The following CSGALNACT1 variants were observed in gnomAD, a reference collection of about 807,000 sequenced individuals.
CSGALNACT1 encodes chondroitin sulfate N-acetylgalactosaminyltransferase 1.
CSGALNACT1 carries 52 observed loss-of-function variants against 51.0 expected under a neutral mutation model. The observed-to-expected ratio is 1.02, with a 90% confidence interval of 0.82 to 1.29. The LOEUF (loss-of-function observed/expected upper bound fraction) is 1.29, where lower values mean the gene tolerates loss of function less well. Ranked by LOEUF, CSGALNACT1 falls within the 50% of genes most tolerant of loss-of-function variation. CSGALNACT1 has a pLI of 0.00. For synonymous variants in CSGALNACT1, 341 were observed against 254.4 expected, an observed-to-expected ratio of 1.34 and a Z score of -3.24; for missense variants, 935 against 679.2, an observed-to-expected ratio of 1.38 and a Z score of -4.19.
At chr8:19,732,723 C>T (rs2063759528) in intron 1 of CSGALNACT1, among the ~76,000 whole-genome samples, 1 of 152,222 alleles carries the variant, frequency 6.6e-6, no homozygotes. Context: ...ATATATGGAT[C>T]TTTATAAATT....
At chr8:19,485,136 T>C (rs927598140) in intron 4 of CSGALNACT1, among the ~76,000 whole-genome samples, 1 of 152,162 alleles carries the variant, frequency 6.6e-6, no homozygotes, top group Non-Finnish European at 1.5e-5. Flanking sequence ...TTACACAGCA[T>C]CTACTTGCCC....
intron 5 of CSGALNACT1, among the ~76,000 whole-genome samples, chr8:19,444,321 A>C (rs1207783232): frequency 6.6e-6 from 1 of 152,232 alleles, no homozygotes; most frequent in Non-Finnish European, 1.5e-5. Flanking sequence ...AGGAAAAAAA[A>C]GTTTGTGCAT....
intron 6 of CSGALNACT1, among the ~76,000 whole-genome samples, chr8:19,424,029 C>T (rs2058385551): frequency 1.3e-5 from 2 of 152,180 alleles, no homozygotes; most frequent in African/African-American, 2.4e-5. Flanking sequence ...CTGCCCTGAT[C>T]TAGCTTTGCC....
chr8:19,476,649 G>T (rs1447400725), intron 4 of CSGALNACT1, among the ~76,000 whole-genome samples: 5 of 152,168 alleles, frequency 3.3e-5, no homozygotes, highest in African/African-American at 1.2e-4. Flanking sequence ...AGAAGAGAGT[G>T]AGGCAACACA....
intron 1 of CSGALNACT1, among the ~76,000 whole-genome samples, chr8:19,642,951 T>A (rs1233225914): frequency 6.6e-6 from 1 of 152,124 alleles, no homozygotes; most frequent in African/African-American, 2.4e-5. Flanking sequence ...AATAATACAG[T>A]TAAAGTTTTT....
intron 3 of CSGALNACT1, among the ~76,000 whole-genome samples, chr8:19,577,401 C>CAAAAAAAAAAAA (rs111734132): frequency 9.6e-6 from 1 of 104,250 alleles, no homozygotes; most frequent in African/African-American, 4.3e-5. Context: ...CCCACCTCTA[C>CAAAAAAAAAAAA]AAAAAAAAAA....
intron 2 of CSGALNACT1, among the ~76,000 whole-genome samples, chr8:19,599,772 T>C (rs898352220): frequency 2.0e-5 from 3 of 152,146 alleles, no homozygotes; most frequent in Admixed American, 2.0e-4. Flanking sequence ...CTCCTTACTT[T>C]TATAGACTCA....
At chr8:19,604,670 G>A (rs146868440), upstream of CSGALNACT1, among the ~76,000 whole-genome samples, 2,161 of 151,478 alleles carry the variant, frequency 0.014, 51 homozygotes, top group African/African-American at 0.049. Context: ...CACTTTGGGA[G>A]GCCGAGGCGG....
chr8:19,702,324 G>A (rs987369650), intron 1 of CSGALNACT1, among the ~76,000 whole-genome samples: 15 of 151,930 alleles, frequency 9.9e-5, no homozygotes, highest in African/African-American at 3.6e-4. Context: ...ACCAGCCTGG[G>A]CAACATAGTG....
intron 1 of CSGALNACT1, among the ~76,000 whole-genome samples, chr8:19,740,336 A>G (rs2064234331): frequency 1.3e-5 from 2 of 152,316 alleles, no homozygotes; most frequent in South Asian, 2.1e-4. Flanking sequence ...GTCCCAAGGG[A>G]CACAGAGTCT....
intron 1 of CSGALNACT1, among the ~76,000 whole-genome samples, chr8:19,742,983 T>C (rs1200557069): frequency 1.3e-5 from 2 of 152,308 alleles, no homozygotes; most frequent in South Asian, 2.1e-4. Flanking sequence ...GATCTATACA[T>C]TCCCTTCCCT....
chr8:19,664,691 TG>T (rs2059043444), intron 1 of CSGALNACT1, among the ~76,000 whole-genome samples: 1 of 151,482 alleles, frequency 6.6e-6, no homozygotes, highest in East Asian at 1.9e-4. Flanking sequence ...ATATACACAA[TG>T]GAATACTACT....
chr8:19,723,327 C>A (rs528881284), intron 1 of CSGALNACT1, among the ~76,000 whole-genome samples: 1 of 152,258 alleles, frequency 6.6e-6, no homozygotes, highest in East Asian at 1.9e-4. Context: ...GACAAGTGGG[C>A]CGTAATAGAA....
chr8:19,612,949 A>G (rs76527304), intron 1 of CSGALNACT1, among the ~76,000 whole-genome samples: 4 of 116,988 alleles, frequency 3.4e-5, no homozygotes, highest in African/African-American at 4.3e-5. Flanking sequence ...GCAGCTGGAA[A>G]AAAAAAAAAA....
intron 6 of CSGALNACT1, among the ~76,000 whole-genome samples, chr8:19,428,825 ATGTGTGTGTGTGTGTGTGTGTG>A (rs59241616): frequency 1.7e-4 from 24 of 143,454 alleles, no homozygotes; most frequent in South Asian, 4.7e-4. Context: ...AAGACATGAT[ATGTGTGTGTGTGTGTGTGTGTG>A]TGTGTGTGTG....
chr8:19,439,747 A>G (rs571780193), intron 6 of CSGALNACT1, 83 bp downstream of exon 5: 3 of 1,065,686 alleles, frequency 2.8e-6, no homozygotes, highest in Non-Finnish European at 4.3e-6. Context: ...GGAAAATAAA[A>G]TTAAGCAGAA....
chr8:19,659,743 T>C (rs954711286), intron 1 of CSGALNACT1, among the ~76,000 whole-genome samples: 1 of 152,222 alleles, frequency 6.6e-6, no homozygotes, highest in African/African-American at 2.4e-5. Flanking sequence ...CTTTTCCTGT[T>C]GTTGCTTAAG....
intron 3 of CSGALNACT1, among the ~76,000 whole-genome samples, chr8:19,529,670 CCA>C (rs2082357182): frequency 6.6e-6 from 1 of 151,692 alleles, no homozygotes; most frequent in South Asian, 2.1e-4. Flanking sequence ...ACACATACAC[CCA>C]CACACACAGA....
At chr8:19,560,368 C>T (rs2040426917) in intron 3 of CSGALNACT1, among the ~76,000 whole-genome samples, 1 of 152,062 alleles carries the variant, frequency 6.6e-6, no homozygotes, top group Non-Finnish European at 1.5e-5. Context: ...AGGCAACAAC[C>T]TTATGAAGTG....
Sources: allele counts gnomAD v4.1 joint callset (sites outside exome capture counted in the v4.1 genomes callset), GRCh38; gene constraint gnomAD v4.1.1; transcripts MANE v1.5; gene names NCBI Gene and HGNC (gene_info 2026-07-23, HGNC 2026-07-21).